The following PUDP variants were observed in gnomAD, a reference collection of about 807,000 sequenced individuals.
The protein encoded by PUDP is pseudouridine-5'-phosphatase.
A neutral mutation model predicts 9.4 loss-of-function variants in PUDP; 8 were observed. That is an observed-to-expected ratio of 0.85 (90% confidence interval 0.50 to 1.53). The LOEUF (loss-of-function observed/expected upper bound fraction) is 1.53, where lower values mean the gene tolerates loss of function less well. PUDP is among the 40% of genes most tolerant of loss of function. The pLI, the probability that PUDP is intolerant of heterozygous loss-of-function variation, is 0.00. For missense variants in PUDP, 188 were observed against 189.7 expected, an observed-to-expected ratio of 0.99 and a Z score of 0.05; for synonymous variants, 99 against 80.7, an observed-to-expected ratio of 1.23 and a Z score of -1.22.
At chrX:7,080,091 C>T (rs1467095985) in intron 2 of PUDP, among the ~76,000 whole-genome samples, 1 of 111,271 alleles carries the variant, frequency 9.0e-6, no homozygotes, top group Non-Finnish European at 1.9e-5. Flanking sequence ...CTAAACTGAT[C>T]AAAAAAATAA....
chrX:6,916,191 TACACACACACACACAC>T (rs747162229), intron 3 of PUDP, among the ~76,000 whole-genome samples: 1,598 of 69,785 alleles, frequency 0.023, 35 homozygotes, highest in East Asian at 0.16. Flanking sequence ...ATGCTTTTTC[TACACACACACACACAC>T]ACACACACAC....
chrX:6,956,499 G>T (rs916881970), intron 3 of PUDP, among the ~76,000 whole-genome samples: 3 of 111,202 alleles, frequency 2.7e-5, no homozygotes, highest in Admixed American at 9.6e-5. Context: ...CTTTTGTGGG[G>T]AGGGGAAAAT....
intron 3 of PUDP, among the ~76,000 whole-genome samples, chrX:7,075,869 T>C (rs1930880040): frequency 9.0e-6 from 1 of 111,508 alleles, no homozygotes; most frequent in Admixed American, 9.5e-5. Context: ...TGTTAGGGGA[T>C]TATTAGACCT....
intron 3 of PUDP, among the ~76,000 whole-genome samples, chrX:6,911,162 T>C (rs1927843422): frequency 9.0e-6 from 1 of 110,939 alleles, no homozygotes; most frequent in Admixed American, 9.6e-5. Context: ...TTTTTTAATA[T>C]ATATTTACTT....
At chrX:6,961,747 C>G (rs1379186561) in intron 3 of PUDP, among the ~76,000 whole-genome samples, 1 of 111,519 alleles carries the variant, frequency 9.0e-6, no homozygotes, top group Non-Finnish European at 1.9e-5. Flanking sequence ...TATAGATGGT[C>G]AGTGCATGAC....
chrX:7,019,815 CCAA>C (rs1929604976), intron 1 of PUDP, among the ~76,000 whole-genome samples: 1 of 111,609 alleles, frequency 9.0e-6, no homozygotes, highest in Non-Finnish European at 1.9e-5. Context: ...TGATTTTTCT[CCAA>C]CTAATTTTGC....
chrX:6,742,366 T>C (rs914939992), intron 3 of PUDP, among the ~76,000 whole-genome samples: 2 of 112,718 alleles, frequency 1.8e-5, no homozygotes, highest in Non-Finnish European at 3.7e-5. Context: ...CATTAATTTA[T>C]TCAGGTATTG....
At chrX:6,737,346 T>C (rs904692549) in intron 3 of PUDP, among the ~76,000 whole-genome samples, 1 of 112,226 alleles carries the variant, frequency 8.9e-6, no homozygotes, top group African/African-American at 3.2e-5. Context: ...AGAAATATTA[T>C]GAAGAACATT....
intron 3 of PUDP, among the ~76,000 whole-genome samples, chrX:6,746,532 T>C (rs1013055243): frequency 3.6e-5 from 4 of 111,350 alleles, no homozygotes; most frequent in Non-Finnish European, 7.5e-5. Context: ...AAGCCCAGCA[T>C]GCGTTAGCTA....
In PUDP at chrX:6,857,341, CAT is replaced by C. The variant is rs1304799053; in HGVS notation, c.*247+119790_*247+119791del. Among the ~76,000 whole-genome samples, 4 of 113,149 alleles carry C rather than the reference CAT, an allele frequency of 3.5e-5. No individual in the cohort carries two copies. The East Asian group carries it at 1.1e-3, about 31-fold the overall frequency. On this transcript the variant is annotated intron_variant and NMD_transcript_variant, in intron 3 of 3. Transcript: ENST00000655425. ...CACAAGGGGTTGATAAAGCTGCACT[CAT>C]AGAATTTCTTCTGAGTAGAGAGAGA...
chrX:7,134,982 T>G (rs1175114996), intron 1 of PUDP, among the ~76,000 whole-genome samples: 1 of 111,840 alleles, frequency 8.9e-6, no homozygotes, highest in Admixed American at 9.5e-5. Flanking sequence ...TTGAGGTAAA[T>G]AAGGGAAAGA....
chrX:6,780,183 A>G (rs1337261674), intron 3 of PUDP, among the ~76,000 whole-genome samples: 1 of 109,762 alleles, frequency 9.1e-6, no homozygotes, highest in Non-Finnish European at 1.9e-5. Flanking sequence ...ACATATACAC[A>G]TACACACATT....
intron 3 of PUDP, among the ~76,000 whole-genome samples, chrX:6,801,144 T>TAAAAAG (rs770456023): frequency 1.7e-4 from 19 of 111,799 alleles, no homozygotes; most frequent in African/African-American, 4.9e-4. Flanking sequence ...TGCAGCTACT[T>TAAAAAG]AAAAAGAAAA....
intron 1 of PUDP, among the ~76,000 whole-genome samples, chrX:7,135,759 T>A (rs1932727466): frequency 1.8e-5 from 2 of 111,645 alleles, no homozygotes; most frequent in African/African-American, 6.5e-5. Flanking sequence ...ACTTTTCAAG[T>A]ATACAGAAGA....
At chrX:6,716,067 A>G (rs1023960238) in intron 1 of PUDP, among the ~76,000 whole-genome samples, 3 of 110,789 alleles carry the variant, frequency 2.7e-5, no homozygotes, top group African/African-American at 9.8e-5. Flanking sequence ...AAAGGCTTAG[A>G]GGTTCTTCCA....
chrX:7,009,099 A>G (rs1172269077), intron 1 of PUDP, among the ~76,000 whole-genome samples: 5 of 112,611 alleles, frequency 4.4e-5, no homozygotes, highest in Non-Finnish European at 9.4e-5. Flanking sequence ...CTTTAGAAAA[A>G]TGCAATGTCA....
At chrX:7,104,010 T>C (rs945244663) in intron 2 of PUDP, among the ~76,000 whole-genome samples, 18 of 112,076 alleles carry the variant, frequency 1.6e-4, no homozygotes, top group Non-Finnish European at 3.2e-4. Flanking sequence ...AAATTAATAA[T>C]AAAATTACCA....
At chrX:7,067,459 C>T (rs757835001) in intron 3 of PUDP, among the ~76,000 whole-genome samples, 2 of 111,880 alleles carry the variant, frequency 1.8e-5, no homozygotes, top group African/African-American at 3.2e-5. Flanking sequence ...TCTGGAGGAA[C>T]GCAGGTGGCT....
At chrX:6,909,555 C>T (rs753485479) in intron 3 of PUDP, among the ~76,000 whole-genome samples, 1 of 112,084 alleles carries the variant, frequency 8.9e-6, no homozygotes, top group African/African-American at 3.2e-5. Context: ...CATAGCCATG[C>T]CCATTCCTTC....
Sources: gnomAD v4.1 joint callset for allele counts (sites outside exome capture counted in the v4.1 genomes callset) on GRCh38, gnomAD v4.1.1 for gene constraint, MANE v1.5 for transcripts, NCBI Gene and HGNC (gene_info 2026-07-23, HGNC 2026-07-21) for gene names.